The following MTCL1 variants were observed in gnomAD, a reference collection of about 807,000 sequenced individuals.
MTCL1 encodes the protein microtubule cross-linking factor 1.
A neutral mutation model predicts 141.4 loss-of-function variants in MTCL1; 79 were observed. The observed-to-expected ratio is 0.56, with a 90% CI of 0.47 to 0.67. The LOEUF is 0.67. Ranked by LOEUF, MTCL1 falls within the 30% of genes least tolerant of loss-of-function variation. The pLI, the probability that MTCL1 is intolerant of heterozygous loss-of-function variation, is 0.00. For missense variants in MTCL1, 2,177 were observed against 2,113.9 expected, an observed-to-expected ratio of 1.03 and a Z score of -0.59; for synonymous variants, 914 against 875.8, an observed-to-expected ratio of 1.04 and a Z score of -0.77.
At chr18:8,809,612 G>T in intron 11 of MTCL1, 1 of 1,534,140 alleles carries the variant, frequency 6.5e-7, no homozygotes, top group Non-Finnish European at 8.7e-7. Flanking sequence ...AAGGAGTGGA[G>T]GGCACACACC....
intron 4 of MTCL1, among the ~76,000 whole-genome samples, chr18:8,736,762 C>T (rs1046688454): frequency 1.3e-5 from 2 of 151,762 alleles, no homozygotes. Flanking sequence ...CTCAGCCTCC[C>T]GAGTAGCTGG....
intron 4 of MTCL1, among the ~76,000 whole-genome samples, chr18:8,751,047 C>T (rs551417215): frequency 7.2e-5 from 11 of 152,250 alleles, no homozygotes; most frequent in Admixed American, 3.3e-4. Flanking sequence ...CCCTGGGCAG[C>T]GGGCCCCCAG....
exon 17 of MTCL1, chr18:8,832,509 A>G (rs112463785): frequency 0.056 from 8,569 of 152,530 alleles, 292 homozygotes; most frequent in Middle Eastern, 0.082. Flanking sequence ...CATCACCTAA[A>G]TGTGACTCAG....
intron 4 of MTCL1, among the ~76,000 whole-genome samples, chr18:8,742,707 A>C (rs562346445): frequency 6.6e-6 from 1 of 152,248 alleles, no homozygotes; most frequent in South Asian, 2.1e-4. Flanking sequence ...TATGCTGACT[A>C]TTTCAAAGCA....
At chr18:8,784,802 C>T (rs760234143) in exon 6 of MTCL1, 3 of 1,607,834 alleles carry the variant, frequency 1.9e-6, no homozygotes, top group Non-Finnish European at 8.5e-7. Flanking sequence ...CCGGGACTCC[C>T]CCATCGGGAA....
intron 16 of MTCL1, chr18:8,829,577 G>A: frequency 1.7e-5 from 17 of 984,778 alleles, no homozygotes; most frequent in Non-Finnish European, 2.0e-5. Flanking sequence ...CCTCAGAATT[G>A]CTTTCAGAGT....
At chr18:8,762,913 G>A (rs968254441) in intron 4 of MTCL1, among the ~76,000 whole-genome samples, 6 of 152,202 alleles carry the variant, frequency 3.9e-5, no homozygotes, top group African/African-American at 1.4e-4. Flanking sequence ...GCACCCATCT[G>A]TTGTTACAGT....
chr18:8,820,720 C>T (rs2144383101), intron 13 of MTCL1, among the ~76,000 whole-genome samples: 1 of 152,302 alleles, frequency 6.6e-6, no homozygotes, highest in Admixed American at 6.5e-5. Flanking sequence ...TTCCAGCCCA[C>T]TGGACCCTGC....
rs147364898 is a variant in MTCL1, at chr18:8,828,874, GCTTTT to G, written c.4723-24_4723-20del. ...TTAAAAAACACTTTCCAACCTTCTT[GCTTTT>G]CTTTTCTTTCTCTGTCTGTTCTGTC... On this transcript the variant is annotated intron_variant, in intron 15 of 16. Transcript: ENST00000359865. The surrounding 1 kb of genome is among the most constrained non-coding windows in gnomAD (Gnocchi z 5.2). The G allele has an allele frequency of 4.3e-3, 6,966 of 1,614,036 alleles. 245 individuals are homozygous for G. The African/African-American group carries it at 0.082, about 19-fold the overall frequency.
intron 4 of MTCL1, among the ~76,000 whole-genome samples, chr18:8,751,496 C>T (rs970805309): frequency 6.6e-6 from 1 of 152,198 alleles, no homozygotes; most frequent in Non-Finnish European, 1.5e-5. Flanking sequence ...GACAAGATAA[C>T]TGACATTTTG....
At chr18:8,740,820 T>G (rs2096298867) in intron 4 of MTCL1, among the ~76,000 whole-genome samples, 1 of 152,202 alleles carries the variant, frequency 6.6e-6, no homozygotes, top group Non-Finnish European at 1.5e-5. Flanking sequence ...TTTATGAAGC[T>G]GTGGGACTCT....
chr18:8,784,254 G>T, exon 6 of MTCL1: 2 of 1,605,956 alleles, frequency 1.2e-6, no homozygotes, highest in African/African-American at 1.3e-5. Context: ...CGTGCCCCCA[G>T]TCCCCGGGAC....
At chr18:8,788,357 G>T (rs1174329452) in intron 7 of MTCL1, among the ~76,000 whole-genome samples, 1 of 152,206 alleles carries the variant, frequency 6.6e-6, no homozygotes, top group African/African-American at 2.4e-5. Context: ...CCTCAGGGGT[G>T]TGGGAGGGGG....
intron 4 of MTCL1, among the ~76,000 whole-genome samples, chr18:8,764,670 C>T (rs1384155379): frequency 6.6e-6 from 1 of 152,038 alleles, no homozygotes; most frequent in Non-Finnish European, 1.5e-5. Flanking sequence ...CAGGCTGGCT[C>T]GATATGCCTG....
chr18:8,781,291 G>A (rs1598625147), intron 5 of MTCL1, among the ~76,000 whole-genome samples: 1 of 151,366 alleles, frequency 6.6e-6, no homozygotes, highest in East Asian at 1.9e-4. Context: ...CATGTATTCT[G>A]TGTAGGTTCT....
rs931536850 is a variant in MTCL1 at position 8,830,047 on chromosome 18, G to C, written c.*18+1083G>C. On this transcript the variant is annotated intron_variant, in intron 16 of 16. Coordinates refer to ENST00000359865, the Ensembl canonical transcript of MTCL1. This position sits in a 1 kb window ranked among gnomAD's most constrained non-coding sequence, Gnocchi z 6.4. ...GCTTCACCAACACACAACACACACA[G>C]AACAGATACACAATACACAACACAC... 12 of 985,290 alleles carry C rather than the reference G, an allele frequency of 1.2e-5. No individual in the cohort carries two copies. In the African/African-American group the frequency reaches 1.7e-4, roughly 14 times the overall value. 61.0% of individuals were successfully genotyped at this position (985,290 alleles called of 1,614,324 possible).
chr18:8,742,413 C>T (rs1055873170), intron 4 of MTCL1, among the ~76,000 whole-genome samples: 1 of 152,166 alleles, frequency 6.6e-6, no homozygotes, highest in Non-Finnish European at 1.5e-5. Context: ...TTCCACATGG[C>T]TGGGGAGGCC....
chr18:8,754,122 G>A (rs1006641335), intron 4 of MTCL1, among the ~76,000 whole-genome samples: 2 of 152,126 alleles, frequency 1.3e-5, no homozygotes, highest in Admixed American at 1.3e-4. Context: ...CCAGGCTGGA[G>A]TGCAGTGGCA....
chr18:8,708,907 G>C (rs7230589), intron 1 of MTCL1, among the ~76,000 whole-genome samples: 31,035 of 152,176 alleles, frequency 0.2, 6,492 homozygotes, highest in African/African-American at 0.54. Context: ...GAAGAGGGTT[G>C]TGAAGGAGGC....
Sources: gnomAD v4.1 joint callset for allele counts (sites outside exome capture counted in the v4.1 genomes callset) on GRCh38, gnomAD v4.1.1 for gene constraint, Gnocchi (gnomAD v3.1) non-coding constraint, MANE v1.5 for transcripts, NCBI Gene and HGNC (gene_info 2026-07-23, HGNC 2026-07-21) for gene names.